Variants in SBF2 observed in about 807,000 individuals in gnomAD.
SBF2 encodes myotubularin-related protein 13.
Under a neutral mutation model 225.2 loss-of-function variants are expected in SBF2, and 112 were observed. The observed-to-expected ratio is 0.50, with a 90% confidence interval of 0.43 to 0.58. SBF2 has a LOEUF of 0.58. Ranked by LOEUF, SBF2 falls within the 20% of genes least tolerant of loss-of-function variation. SBF2 has a pLI of 0.00. For synonymous variants in SBF2, 763 were observed against 773.3 expected, an observed-to-expected ratio of 0.99 and a Z score of 0.22; for missense variants, 1,996 against 2,206.2, an observed-to-expected ratio of 0.90 and a Z score of 1.91.
rs141212218 is a variant in SBF2, at chr11:10,009,079, G to T, written c.620-6390C>A. On this transcript the variant is annotated intron_variant, in intron 6 of 39. Coordinates refer to ENST00000256190, the MANE Select transcript of SBF2 (RefSeq NM_030962.4). Reference sequence around the variant, plus strand: ...GGGTAGAGATATTTTATTTAGACTAGAGGCTCCAGGGCAGACATCCCCTTT... The same window carrying T: ...GGGTAGAGATATTTTATTTAGACTATAGGCTCCAGGGCAGACATCCCCTTT... Among the ~76,000 whole-genome samples, 1,178 of 152,224 alleles carry T rather than the reference G, an allele frequency of 7.7e-3. 9 individuals carry two copies. The highest frequency in any genetic ancestry group is 0.014 in the African/African-American group (597 of 41,522).
chr11:9,798,297 T>C (rs1472345505), intron 32 of SBF2, among the ~76,000 whole-genome samples: 1 of 152,156 alleles, frequency 6.6e-6, no homozygotes, highest in East Asian at 1.9e-4. Flanking sequence ...CCTCAACCTG[T>C]CCTGTAATGC....
At chr11:9,883,239 T>C (rs1291756190) in intron 17 of SBF2, among the ~76,000 whole-genome samples, 1 of 152,144 alleles carries the variant, frequency 6.6e-6, no homozygotes, top group East Asian at 1.9e-4. Context: ...TTAGCTAAGA[T>C]GTCAATAGCA....
chr11:10,067,330 C>T (rs1361284093), intron 2 of SBF2, among the ~76,000 whole-genome samples: 1 of 152,068 alleles, frequency 6.6e-6, no homozygotes, highest in Non-Finnish European at 1.5e-5. Flanking sequence ...TTGATGCAAT[C>T]CCAGTCCAAG....
intron 2 of SBF2, among the ~76,000 whole-genome samples, chr11:10,131,201 T>C (rs924065513): frequency 9.2e-5 from 14 of 151,902 alleles, no homozygotes; most frequent in Non-Finnish European, 1.5e-4. Context: ...TGGCTGTTCC[T>C]TGCCCACATT....
At chr11:9,999,972 C>G (rs1947886489) in intron 8 of SBF2, among the ~76,000 whole-genome samples, 1 of 152,180 alleles carries the variant, frequency 6.6e-6, no homozygotes, top group Non-Finnish European at 1.5e-5. Flanking sequence ...TGCTATGCAG[C>G]CTAACTTTAC....
At chr11:10,286,166 GCACACACACACACA>G (rs57445416) in intron 1 of SBF2, among the ~76,000 whole-genome samples, 7 of 147,236 alleles carry the variant, frequency 4.8e-5, no homozygotes, top group African/African-American at 1.5e-4. Flanking sequence ...ACACGCACAC[GCACACACACACACA>G]CACACACACA....
intron 2 of SBF2, among the ~76,000 whole-genome samples, chr11:10,127,553 T>G (rs1359230944): frequency 1.3e-5 from 2 of 152,150 alleles, no homozygotes; most frequent in Non-Finnish European, 2.9e-5. Context: ...CATGGAGTCT[T>G]TCCCAATAAT....
chr11:9,785,501 A>C (rs1050314739), intron 36 of SBF2, among the ~76,000 whole-genome samples, 183 bp from the exon 37 acceptor site: 2 of 152,222 alleles, frequency 1.3e-5, no homozygotes, highest in Non-Finnish European at 2.9e-5. Flanking sequence ...CTACACGTCC[A>C]TTATTAGGGA....
intron 39 of SBF2, among the ~76,000 whole-genome samples, chr11:9,781,151 T>C (rs944043074): frequency 2.0e-5 from 3 of 152,248 alleles, no homozygotes; most frequent in Non-Finnish European, 4.4e-5. Context: ...GACAGTCTTT[T>C]GTGGGTAGTC....
chr11:10,247,913 T>G (rs1449788898), intron 1 of SBF2, among the ~76,000 whole-genome samples: 1 of 152,190 alleles, frequency 6.6e-6, no homozygotes, highest in Non-Finnish European at 1.5e-5. Context: ...GAGGGTAGAA[T>G]GAACAGTCTT....
intron 29 of SBF2, among the ~76,000 whole-genome samples, chr11:9,813,761 G>C (rs1273070461): frequency 2.6e-5 from 4 of 152,106 alleles, no homozygotes; most frequent in Admixed American, 2.0e-4. Context: ...GGCCAACACG[G>C]TGAAATCCCA....
At chr11:9,927,784 A>T (rs886407735) in intron 16 of SBF2, among the ~76,000 whole-genome samples, 33 of 152,178 alleles carry the variant, frequency 2.2e-4, no homozygotes, top group African/African-American at 7.5e-4. Context: ...TCATAAACAG[A>T]TAAGAGAGTA....
In SBF2 at chr11:9,968,334, T is replaced by C. The variant is rs1334497911; in HGVS notation, c.1600+7A>G. The C allele has an allele frequency of 6.2e-7, 1 of 1,612,866 alleles. No individual in the cohort carries two copies. The highest frequency in any genetic ancestry group is 2.2e-5 in the East Asian group (1 of 44,872). ...TTTACTTTTAAAACAGACAGACAAATACATACCAACAGGTGGACCTGCTGG... is the reference window on the plus strand; with the variant it reads ...TTTACTTTTAAAACAGACAGACAAACACATACCAACAGGTGGACCTGCTGG... On this transcript the variant is annotated splice_region_variant and intron_variant, in intron 14 of 39. Transcript: ENST00000256190.
chr11:10,270,821 G>A (rs1053988793), intron 1 of SBF2, among the ~76,000 whole-genome samples: 5 of 151,672 alleles, frequency 3.3e-5, no homozygotes, highest in Non-Finnish European at 7.4e-5. Flanking sequence ...CTGAAACCCC[G>A]TCTCTACTAA....
At chr11:9,823,213 A>T (rs1392395856) in intron 28 of SBF2, among the ~76,000 whole-genome samples, 4 of 152,200 alleles carry the variant, frequency 2.6e-5, no homozygotes, top group Non-Finnish European at 5.9e-5. Flanking sequence ...AATGAAAAAC[A>T]ATGTGATCTA....
chr11:9,808,676 C>G lies in SBF2; in HGVS notation c.4257+225G>C, dbSNP rs148603850. The G allele has an allele frequency of 8.5e-4, 404 of 474,366 alleles. 2 individuals carry two copies. Among genetic ancestry groups the G allele is most frequent in the African/African-American group, 7.1e-3 (360 of 50,896 alleles). The allele number at this position is 474,366 out of a possible 1,614,324, so 29.4% of individuals were successfully genotyped here. ...CCATCCGCAAGCCTGCATGGTACAT[C>G]TGTGGATGGGAGAGCTTGATGCCCG... is the stretch of plus-strand genomic sequence containing the variant. On this transcript the variant is annotated intron_variant, in intron 31 of 39. Transcript: ENST00000256190.
chr11:10,234,852 A>G (rs1959000275), intron 1 of SBF2, among the ~76,000 whole-genome samples: 1 of 152,220 alleles, frequency 6.6e-6, no homozygotes, highest in Admixed American at 6.5e-5. Context: ...AAAGAAAATC[A>G]GTGTGGTTAT....
chr11:10,147,733 T>C (rs1206536517), intron 2 of SBF2, among the ~76,000 whole-genome samples: 1 of 152,130 alleles, frequency 6.6e-6, no homozygotes, highest in Non-Finnish European at 1.5e-5. Flanking sequence ...GTTTAAAATA[T>C]ATATATTTAT....
chr11:9,885,027 G>A (rs577501822), intron 17 of SBF2, among the ~76,000 whole-genome samples: 1 of 152,004 alleles, frequency 6.6e-6, no homozygotes, highest in African/African-American at 2.4e-5. Flanking sequence ...GAGGCGGACG[G>A]ATCACTTGAG....
Sources: allele counts gnomAD v4.1 joint callset (sites outside exome capture counted in the v4.1 genomes callset), GRCh38; gene constraint gnomAD v4.1.1; transcripts MANE v1.5; gene names NCBI Gene and HGNC (gene_info 2026-07-23, HGNC 2026-07-21).